The following TRIO variants were observed in gnomAD, a reference collection of about 807,000 sequenced individuals.
The protein encoded by TRIO is triple functional domain protein.
A neutral mutation model predicts 351.9 loss-of-function variants in TRIO; 58 were observed. The ratio of observed to expected loss-of-function variants is 0.16; its 90% CI spans 0.13 to 0.21. The LOEUF (loss-of-function observed/expected upper bound fraction) is 0.21, where lower values mean the gene tolerates loss of function less well. Among genes scored for constraint, TRIO ranks in the 10% least tolerant of loss-of-function variants. The pLI, the probability that TRIO is intolerant of heterozygous loss-of-function variation, is 1.00. For missense variants in TRIO, 3,201 were observed against 4,027.8 expected, an observed-to-expected ratio of 0.79 and a Z score of 5.56; for synonymous variants, 1,758 against 1,595.7, an observed-to-expected ratio of 1.10 and a Z score of -2.42.
intron 48 of TRIO, 67 bp from the exon 49 acceptor site, chr5:14,492,500 T>C: frequency 1.3e-6 from 2 of 1,579,474 alleles, no homozygotes; most frequent in Non-Finnish European, 1.7e-6. Flanking sequence ...TGACAAGGGA[T>C]TTCATGTGAT....
At chr5:14,275,231 A>G (rs1049251670) in intron 2 of TRIO, among the ~76,000 whole-genome samples, 16 of 152,188 alleles carry the variant, frequency 1.1e-4, no homozygotes, top group African/African-American at 3.9e-4. Context: ...TGCTAATGGT[A>G]TTAGCACAGT....
chr5:14,473,848 G>A (rs907411428), intron 39 of TRIO, 146 bp from the exon 40 acceptor site: 16 of 623,010 alleles, frequency 2.6e-5, no homozygotes, highest in Non-Finnish European at 4.0e-5. Context: ...TTTTCATATC[G>A]GTTTTTTTTG....
chr5:14,504,175 C>G (rs376368520), intron 54 of TRIO, among the ~76,000 whole-genome samples: 52 of 152,308 alleles, frequency 3.4e-4, no homozygotes, highest in African/African-American at 1.2e-3. Context: ...ACCAAGGCTG[C>G]CTGGGAGGAA....
chr5:14,363,943 C>G lies in TRIO; in HGVS notation c.2587+16C>G, dbSNP rs762368001. ...CAGGCCTCTGGTAAGAGGGCTCACT[C>G]CATCTGTGTCCGTTGTGATTTCTTC... is the stretch of plus-strand genomic sequence containing the variant. On this transcript the variant is annotated intron_variant, in intron 14 of 56. Transcript: ENST00000344204. 2 of 1,597,772 alleles carry G rather than the reference C, an allele frequency of 1.3e-6. No homozygotes were observed. The highest frequency in any genetic ancestry group is 1.1e-5 in the South Asian group (1 of 89,688).
chr5:14,387,771 C>T lies in TRIO; in HGVS notation c.3805C>T (p.Pro1269Ser), dbSNP rs1031853907. The change falls in exon 23 of 57, where the codon CCT becomes TCT. Residue 1269 changes from proline (P) to serine (S), a missense_variant. Coordinates refer to ENST00000344204, the MANE Select transcript of TRIO (RefSeq NM_007118.4). ...LQLDIIPASIPGSEVKLRDAA... is the reference protein window; with the variant it reads ...LQLDIIPASISGSEVKLRDAA... ...GCTAGATATCATTCCAGCCAGTATC[C>T]CTGGCTCAGAGGTGAAACTTCGAGA... The T allele has an allele frequency of 1.2e-5, 19 of 1,614,174 alleles. No homozygotes were observed. The highest frequency in any genetic ancestry group is 1.5e-5 in the Non-Finnish European group (18 of 1,180,026).
intron 9 of TRIO, among the ~76,000 whole-genome samples, chr5:14,324,544 G>A (rs1332546524): frequency 6.6e-6 from 1 of 152,204 alleles, no homozygotes; most frequent in Non-Finnish European, 1.5e-5. Context: ...AGTTTTTCAA[G>A]TAGCAATTCT....
Position 14,297,114 on chromosome 5 carries a change from C to A in TRIO, c.1219C>A (p.Arg407Ser). The change falls in exon 7 of 57, where the codon CGT becomes AGT. Residue 407 changes from arginine (R) to serine (S), a missense_variant. Coordinates refer to ENST00000344204, the MANE Select transcript of TRIO (RefSeq NM_007118.4). The stretch of plus-strand genomic sequence containing the variant: ...AAACCGCATCATGTCGGTGGCCAAT[C>A]GTCTGGTGGAGTCTGGCCACTATGC... ...NINRIMSVANRLVESGHYASQ... is the reference protein window; with the variant it reads ...NINRIMSVANSLVESGHYASQ... The A allele has an allele frequency of 6.2e-7, 1 of 1,613,904 alleles. No homozygotes were observed. The highest frequency in any genetic ancestry group is 1.1e-5 in the South Asian group (1 of 91,056).
At chr5:14,360,702 T>TG (rs1744072368) in intron 13 of TRIO, among the ~76,000 whole-genome samples, 2 of 152,206 alleles carry the variant, frequency 1.3e-5, no homozygotes, top group South Asian at 4.1e-4. Flanking sequence ...AGGCCTGCCC[T>TG]GGGGAGTGGT....
At chr5:14,480,039 T>G in intron 43 of TRIO, 28 bp downstream of exon 43, 2 of 1,604,694 alleles carry the variant, frequency 1.2e-6, no homozygotes, top group Non-Finnish European at 1.7e-6. Flanking sequence ...CAAACTCTGG[T>G]GTCAGGAGTG....
intron 1 of TRIO, among the ~76,000 whole-genome samples, chr5:14,154,972 A>G (rs1788025444): frequency 6.6e-6 from 1 of 152,204 alleles, no homozygotes; most frequent in African/African-American, 2.4e-5. Flanking sequence ...TTGACCTGCT[A>G]TTGTAGTATA....
intron 12 of TRIO, among the ~76,000 whole-genome samples, chr5:14,358,577 C>A (rs1180242434): frequency 6.6e-6 from 1 of 152,176 alleles, no homozygotes; most frequent in African/African-American, 2.4e-5. Flanking sequence ...TTCATTATAA[C>A]ATCGACTAAT....
chr5:14,324,088 C>A (rs552185975), intron 9 of TRIO, among the ~76,000 whole-genome samples: 2 of 152,118 alleles, frequency 1.3e-5, no homozygotes, highest in South Asian at 2.1e-4. Flanking sequence ...TCAGTTTCCC[C>A]AGCGATTTAA....
intron 1 of TRIO, among the ~76,000 whole-genome samples, chr5:14,204,944 G>C (rs1013455195): frequency 6.6e-6 from 1 of 152,138 alleles, no homozygotes; most frequent in Non-Finnish European, 1.5e-5. Flanking sequence ...ATTAGTCAGG[G>C]GTGTTTCTAG....
chr5:14,331,290 G>C (rs1740883688), intron 10 of TRIO, among the ~76,000 whole-genome samples: 1 of 152,214 alleles, frequency 6.6e-6, no homozygotes, highest in South Asian at 2.1e-4. Context: ...TTAGGAAACA[G>C]GAGCCGGGAG....
intron 1 of TRIO, among the ~76,000 whole-genome samples, chr5:14,180,086 G>A (rs2582328): frequency 1.7e-5 from 2 of 114,730 alleles, no homozygotes; most frequent in African/African-American, 7.1e-5. Flanking sequence ...GGGTGACAGA[G>A]CAGGACTCCT....
At chr5:14,299,960 T>G (rs1432040098) in intron 7 of TRIO, among the ~76,000 whole-genome samples, 1 of 152,258 alleles carries the variant, frequency 6.6e-6, no homozygotes, top group Admixed American at 6.5e-5. Flanking sequence ...TAAACATAAC[T>G]CTGAAGTTAA....
rs927506700 is a variant in TRIO at position 14,503,386 on chromosome 5, G to C, written c.8411+729G>C. Reference sequence around the variant, plus strand: ...TCAGCTGTCTGTGGCTGCATAAAAAGTCACACCAGCACATGCTGTCTTAGG... The same window carrying C: ...TCAGCTGTCTGTGGCTGCATAAAAACTCACACCAGCACATGCTGTCTTAGG... On this transcript the variant is annotated intron_variant, in intron 54 of 56. Transcript: ENST00000344204. 9.9e-4 allele frequency among the ~76,000 whole-genome samples: 151 copies of C among 152,354 alleles called. 1 individual carries two copies. The highest frequency in any genetic ancestry group is 3.5e-3 in the African/African-American group (147 of 41,580).
At chr5:14,372,872 G>A (rs1745239458) in intron 18 of TRIO, among the ~76,000 whole-genome samples, 1 of 152,148 alleles carries the variant, frequency 6.6e-6, no homozygotes, top group Admixed American at 6.5e-5. Flanking sequence ...CAGCGTATTA[G>A]TCCATTCTCA....
chr5:14,364,901 A>T, intron 15 of TRIO, 85 bp downstream of exon 15: 1 of 1,465,312 alleles, frequency 6.8e-7, no homozygotes, highest in Non-Finnish European at 9.1e-7. Flanking sequence ...GACCTGTAGC[A>T]TTGGGAAGGA....
Sources: allele counts gnomAD v4.1 joint callset (sites outside exome capture counted in the v4.1 genomes callset), GRCh38; gene constraint gnomAD v4.1.1; transcripts MANE v1.5; gene names NCBI Gene and HGNC (gene_info 2026-07-23, HGNC 2026-07-21).